The following ACTR10 variants were observed in gnomAD, a reference collection of about 807,000 sequenced individuals.
The protein encoded by ACTR10 is actin related protein 10, also known as actin-related protein 10.
A neutral mutation model predicts 56.2 loss-of-function variants in ACTR10; 43 were observed. The observed-to-expected ratio is 0.77, with a 90% CI of 0.60 to 0.99. The LOEUF (loss-of-function observed/expected upper bound fraction) is 0.99. Among genes scored for constraint, ACTR10 ranks in the 50% least tolerant of loss-of-function variants. The probability of loss-of-function intolerance (pLI) is 0.00; values close to 1 mark genes in which losing one functional copy is unlikely to be tolerated. For synonymous variants in ACTR10, 170 were observed against 176.3 expected (o/e 0.96, Z 0.28); for missense variants, 466 against 507.8 (o/e 0.92, Z 0.79).
At chr14:58,226,783 A>G (rs1447192249) in intron 10 of ACTR10, among the ~76,000 whole-genome samples, 1 of 152,044 alleles carries the variant, frequency 6.6e-6, no homozygotes, top group Non-Finnish European at 1.5e-5. Flanking sequence ...TATTTTTAGT[A>G]GAGACGAGGT....
chr14:58,229,713 C>T (rs1053281436), intron 10 of ACTR10, among the ~76,000 whole-genome samples: 9 of 149,886 alleles, frequency 6.0e-5, no homozygotes, highest in Non-Finnish European at 1.0e-4. Flanking sequence ...TTTGGGTGCT[C>T]TTACTACTTA....
chr14:58,216,511 T>C (rs761479785), intron 7 of ACTR10, among the ~76,000 whole-genome samples: 15 of 152,194 alleles, frequency 9.9e-5, no homozygotes, highest in Admixed American at 3.9e-4. Context: ...ATCCAAATTA[T>C]CTGTTGGATA....
chr14:58,207,313 A>ATTTGTTGG (rs1555349289), intron 2 of ACTR10: 1 of 143,394 alleles, frequency 7.0e-6, no homozygotes, highest in African/African-American at 2.6e-5. Context: ...AGTGCTGGAA[A>ATTTGTTGG]TTTGTTTGTT....
chr14:58,212,352 T>C (rs1889024219), intron 5 of ACTR10, among the ~76,000 whole-genome samples: 1 of 152,228 alleles, frequency 6.6e-6, no homozygotes, highest in East Asian at 1.9e-4. Flanking sequence ...CTAGTACATT[T>C]CTTTTCATTA....
At chr14:58,213,748 A>C in intron 6 of ACTR10, 50 bp downstream of exon 6, 3 of 1,444,536 alleles carry the variant, frequency 2.1e-6, no homozygotes, top group Non-Finnish European at 2.9e-6. Flanking sequence ...CCACAAAAAC[A>C]GTTGCTAATC....
At chr14:58,211,926 C>T (rs562644951) in intron 5 of ACTR10, among the ~76,000 whole-genome samples, 8 of 147,462 alleles carry the variant, frequency 5.4e-5, no homozygotes, top group South Asian at 4.3e-4. Flanking sequence ...GGCGACAGAG[C>T]GAGACTCTGT....
chr14:58,205,562 G>C (rs1463561502), intron 2 of ACTR10, among the ~76,000 whole-genome samples: 1 of 152,014 alleles, frequency 6.6e-6, no homozygotes, highest in Non-Finnish European at 1.5e-5. Context: ...TGATCCGCCC[G>C]CCTTGGCTTC....
rs764713122 is a variant in ACTR10, at chr14:58,200,183, A to T, written c.-35A>T. 5.6e-5 allele frequency: 82 copies of T among 1,461,662 alleles called. No homozygotes were observed. The Admixed American group carries it at 6.3e-4, about 11-fold the overall frequency. 90.5% of individuals were successfully genotyped at this position (1,461,662 alleles called of 1,614,324 possible). The stretch of plus-strand genomic sequence containing the variant: ...GCGCCGAGACTTGTTGGCCGCGGAG[A>T]CTGCGACCCTCTTCTCTCAGTCTGC... On this transcript the variant is annotated 5_prime_UTR_variant, in exon 1 of 13. Transcript: ENST00000254286.
At chr14:58,221,901 C>T (rs1889281352) in intron 8 of ACTR10, among the ~76,000 whole-genome samples, 1 of 151,978 alleles carries the variant, frequency 6.6e-6, no homozygotes, top group Admixed American at 6.6e-5. Context: ...CTGGGCAAGT[C>T]AGTCTCGACT....
intron 6 of ACTR10, among the ~76,000 whole-genome samples, chr14:58,214,024 A>G (rs1056371082): frequency 1.3e-5 from 2 of 152,210 alleles, no homozygotes; most frequent in African/African-American, 4.8e-5. Context: ...CAAACAATCC[A>G]GTTATACTCT....
intron 12 of ACTR10, among the ~76,000 whole-genome samples, chr14:58,233,075 G>A (rs998998461): frequency 3.3e-5 from 5 of 151,720 alleles, no homozygotes; most frequent in African/African-American, 1.2e-4. Context: ...GTTTCTCCAT[G>A]TTGGTCAGGC....
intron 6 of ACTR10, 89 bp downstream of exon 6, chr14:58,213,787 C>G: frequency 1.1e-6 from 1 of 935,634 alleles, no homozygotes. Context: ...CAATAGAGGG[C>G]TTGTGATACG....
At chr14:58,200,327 C>T in intron 1 of ACTR10, 33 bp downstream of exon 1, 2 of 1,465,956 alleles carry the variant, frequency 1.4e-6, no homozygotes, top group East Asian at 5.5e-5. Flanking sequence ...GTGTTCGACC[C>T]GAGGGGAGGG....
At chr14:58,200,576 C>A (rs1360711262) in intron 1 of ACTR10, among the ~76,000 whole-genome samples, 2 of 152,194 alleles carry the variant, frequency 1.3e-5, no homozygotes, top group African/African-American at 2.4e-5. Flanking sequence ...CCTTTGGGAT[C>A]ATCTGTGTAG....
chr14:58,220,973 A>G (rs1889250895), intron 8 of ACTR10, among the ~76,000 whole-genome samples: 1 of 152,026 alleles, frequency 6.6e-6, no homozygotes, highest in African/African-American at 2.4e-5. Context: ...TTCAGTAGAA[A>G]CCCTTTCTGT....
chr14:58,219,495 C>G (rs1277454020), intron 7 of ACTR10, 199 bp from the exon 8 acceptor site: 1 of 390,258 alleles, frequency 2.6e-6, no homozygotes, highest in Non-Finnish European at 4.6e-6. Context: ...CTTCAATTTC[C>G]ATGGTTTGTC....
At position 58,202,847 on chromosome 14, in the gene ACTR10, A is replaced by G; in HGVS notation, c.78-8A>G. On this transcript the variant is annotated splice_polypyrimidine_tract_variant and splice_region_variant and intron_variant, in intron 1 of 12. Transcript: ENST00000254286. Reference sequence around the variant, plus strand: ...TATAAGTTGTTTCAATTTTCCATTTATTTGCAGGTGTGGATTTGCTGGAGA... The same window carrying G: ...TATAAGTTGTTTCAATTTTCCATTTGTTTGCAGGTGTGGATTTGCTGGAGA... The G allele has an allele frequency of 6.3e-7, 1 of 1,582,360 alleles. No individual in the cohort carries two copies. Among genetic ancestry groups the G allele is most frequent in the South Asian group, 1.1e-5 (1 of 87,036 alleles).
At chr14:58,217,855 G>C (rs1889173484) in intron 7 of ACTR10, among the ~76,000 whole-genome samples, 1 of 152,058 alleles carries the variant, frequency 6.6e-6, no homozygotes, top group Non-Finnish European at 1.5e-5. Flanking sequence ...ACTCAAAAAG[G>C]CTAACCTAAG....
At chr14:58,233,149 A>G (rs1386466739) in intron 12 of ACTR10, among the ~76,000 whole-genome samples, 1 of 152,168 alleles carries the variant, frequency 6.6e-6, no homozygotes, top group Non-Finnish European at 1.5e-5. Context: ...CTGGGATTAC[A>G]GGTGTGAGCC....
Sources: gnomAD v4.1 joint callset for allele counts (sites outside exome capture counted in the v4.1 genomes callset) on GRCh38, gnomAD v4.1.1 for gene constraint, MANE v1.5 for transcripts, NCBI Gene and HGNC (gene_info 2026-07-23, HGNC 2026-07-21) for gene names.